The following FIGN variants were observed in gnomAD, a reference collection of about 807,000 sequenced individuals.
FIGN encodes fidgetin.
A neutral mutation model predicts 51.3 loss-of-function variants in FIGN; 11 were observed. The observed-to-expected ratio is 0.21, with a 90% CI of 0.13 to 0.35. The LOEUF (loss-of-function observed/expected upper bound fraction) is 0.35. Ranked by LOEUF, FIGN falls within the 10% of genes least tolerant of loss-of-function variation. The pLI, the probability that FIGN is intolerant of heterozygous loss-of-function variation, is 1.00. For missense variants in FIGN, 857 were observed against 943.6 expected (o/e 0.91, Z 1.20); for synonymous variants, 407 against 363.2 (o/e 1.12, Z -1.37).
intron 2 of FIGN, among the ~76,000 whole-genome samples, chr2:163,627,098 G>A (rs1683065882): frequency 1.3e-5 from 2 of 152,070 alleles, no homozygotes; most frequent in African/African-American, 4.8e-5. Flanking sequence ...CAATTGAACA[G>A]CTTATACTCC....
At chr2:163,712,440 T>G (rs1684601292) in intron 2 of FIGN, among the ~76,000 whole-genome samples, 1 of 152,248 alleles carries the variant, frequency 6.6e-6, no homozygotes, top group Non-Finnish European at 1.5e-5. Context: ...TTACTTAATT[T>G]GAAATGCACT....
intron 2 of FIGN, among the ~76,000 whole-genome samples, chr2:163,658,470 A>G (rs981954634): frequency 6.6e-6 from 1 of 151,974 alleles, no homozygotes; most frequent in African/African-American, 2.4e-5. Flanking sequence ...TCATTTATAA[A>G]GAAAAAGGTT....
intron 2 of FIGN, among the ~76,000 whole-genome samples, chr2:163,682,053 AAT>A (rs1020279604): frequency 1.3e-5 from 2 of 152,188 alleles, no homozygotes; most frequent in African/African-American, 4.8e-5. Context: ...CAAGACTGCG[AAT>A]ACTCAGAGAC....
chr2:163,670,242 C>T (rs537809729), intron 2 of FIGN, among the ~76,000 whole-genome samples: 1 of 152,246 alleles, frequency 6.6e-6, no homozygotes, highest in East Asian at 1.9e-4. Context: ...GTTAATACTA[C>T]AGCACACAAT....
intron 2 of FIGN, among the ~76,000 whole-genome samples, chr2:163,647,810 A>G (rs13023211): frequency 0.26 from 38,879 of 152,066 alleles, 5,311 homozygotes; most frequent in African/African-American, 0.3. Context: ...TTAGATGTAT[A>G]TGTATGTATG....
At chr2:163,626,158 G>T (rs1384477840) in intron 2 of FIGN, among the ~76,000 whole-genome samples, 1 of 152,058 alleles carries the variant, frequency 6.6e-6, no homozygotes, top group Non-Finnish European at 1.5e-5. Context: ...TGATTTTTTG[G>T]AATGCACTTC....
chr2:163,636,736 A>G (rs922525779), intron 2 of FIGN, among the ~76,000 whole-genome samples: 2 of 152,214 alleles, frequency 1.3e-5, no homozygotes, highest in Non-Finnish European at 2.9e-5. Context: ...TAAGACTTGA[A>G]TCCAGAGGAA....
intron 2 of FIGN, among the ~76,000 whole-genome samples, chr2:163,713,812 T>C (rs1341200885): frequency 6.6e-6 from 1 of 152,172 alleles, no homozygotes; most frequent in Admixed American, 6.5e-5. Context: ...CTTCCCTTCC[T>C]TAATTGTTTA....
In FIGN at chr2:163,639,622, G is replaced by A. The variant is rs527546881; in HGVS notation, c.26-27816C>T. Among the ~76,000 whole-genome samples the A allele has an allele frequency of 2.4e-4, 36 of 152,170 alleles. 1 individual carries two copies. The highest frequency in any genetic ancestry group is 3.4e-3 in the Middle Eastern group (1 of 294). On this transcript the variant is annotated intron_variant, in intron 2 of 2. Coordinates refer to ENST00000333129, the MANE Select transcript of FIGN (RefSeq NM_018086.4). ...TTGGATATACATTTCCAAAAGAGCC[G>A]TGAAAATTCCTTTACTCTCTTCAGT... is the stretch of plus-strand genomic sequence containing the variant.
intron 2 of FIGN, among the ~76,000 whole-genome samples, chr2:163,618,218 A>G (rs985524957): frequency 2.2e-4 from 33 of 152,204 alleles, no homozygotes; most frequent in African/African-American, 7.7e-4. Flanking sequence ...TAAGAAATAA[A>G]GTACTTAGAG....
At chr2:163,623,183 T>G (rs1410567191) in intron 2 of FIGN, among the ~76,000 whole-genome samples, 1 of 151,892 alleles carries the variant, frequency 6.6e-6, no homozygotes, top group East Asian at 1.9e-4. Flanking sequence ...TAAAAACTGT[T>G]TTTATCCTAA....
rs1482458674 is a variant in FIGN, at chr2:163,611,123, T to G, written c.709A>C (p.Asn237His). The G allele has an allele frequency of 6.2e-7, 1 of 1,614,026 alleles. No individual in the cohort carries two copies. Among genetic ancestry groups the G allele is most frequent in the Non-Finnish European group, 8.5e-7 (1 of 1,179,974 alleles). ...TAACTGGAGAGGTTAGAAGTCCCAT[T>G]GTAGCCTGGGACCAAGGCTGGTGGC... ...PPPPALVPGY[N>H]GTSNLSSYSY... The change falls in exon 3 of 3, where the codon AAT (asparagine) becomes CAT (histidine). Residue 237 changes from asparagine to histidine, a missense_variant. Asn to His is a moderately conservative substitution (Grantham distance 68). Coordinates refer to ENST00000333129, the MANE Select transcript of FIGN (RefSeq NM_018086.4).
intron 2 of FIGN, among the ~76,000 whole-genome samples, chr2:163,649,048 C>T (rs1683428877): frequency 6.6e-6 from 1 of 152,102 alleles, no homozygotes; most frequent in African/African-American, 2.4e-5. Context: ...TTCACCAACA[C>T]TGGAATATAC....
At position 163,609,925 on chromosome 2, in the gene FIGN, A is replaced by G. The variant is rs1691197219; in HGVS notation, c.1907T>C (p.Ile636Thr). 5 of 1,613,854 alleles carry G rather than the reference A, an allele frequency of 3.1e-6. No individual in the cohort carries two copies. The highest frequency in any genetic ancestry group is 2.7e-5 in the African/African-American group (2 of 74,888). The change falls in exon 3 of 3, where the codon ATA (isoleucine) becomes ACA (threonine). Residue 636 changes from isoleucine to threonine, a missense_variant. Physicochemically the swap from Ile to Thr is moderately conservative, Grantham distance 89. Transcript: ENST00000333129. ...VICATSKPEE[I>T]DESLRRYFMK... ...GAAGTACCTCCGAAGGGATTCATCTATTTCTTCTGGTTTACTGGTGGCACA... is the reference window on the plus strand; with the variant it reads ...GAAGTACCTCCGAAGGGATTCATCTGTTTCTTCTGGTTTACTGGTGGCACA...
chr2:163,717,728 A>G (rs1249771886), intron 2 of FIGN, among the ~76,000 whole-genome samples: 1 of 152,168 alleles, frequency 6.6e-6, no homozygotes, highest in Non-Finnish European at 1.5e-5. Context: ...TTAAAACAAT[A>G]AGAAATCCCT....
At chr2:163,722,899 T>C (rs948275354) in intron 2 of FIGN, among the ~76,000 whole-genome samples, 1 of 152,006 alleles carries the variant, frequency 6.6e-6, no homozygotes, top group Non-Finnish European at 1.5e-5. Context: ...TAATAAAATA[T>C]TAACTGGCCG....
At position 163,606,922 on chromosome 2, in the gene FIGN, A is replaced by G. The variant is rs1691123580; in HGVS notation, c.*2630T>C. 6.6e-6 allele frequency: 1 copy of G among 152,226 alleles called. No homozygotes were observed. Among genetic ancestry groups the G allele is most frequent in the African/African-American group, 2.4e-5 (1 of 41,460 alleles). The allele number at this position is 152,226 out of a possible 1,614,324, so 9.4% of individuals were successfully genotyped here. ...CACTCAGAGTTCTAATTTTTAAGTCACTTAAAGCTAAAAGCCAAGATGTAT... is the reference window on the plus strand; with the variant it reads ...CACTCAGAGTTCTAATTTTTAAGTCGCTTAAAGCTAAAAGCCAAGATGTAT... On this transcript the variant is annotated 3_prime_UTR_variant, in exon 3 of 3. Transcript: ENST00000333129.
chr2:163,708,267 G>A (rs1205104006), intron 2 of FIGN, among the ~76,000 whole-genome samples: 1 of 150,322 alleles, frequency 6.7e-6, no homozygotes. Flanking sequence ...ACCCTAACCA[G>A]TGCCTTAATT....
chr2:163,718,143 G>A (rs1684698827), intron 2 of FIGN, among the ~76,000 whole-genome samples: 1 of 152,116 alleles, frequency 6.6e-6, no homozygotes, highest in Non-Finnish European at 1.5e-5. Flanking sequence ...GCGACAGACA[G>A]CTGCTTCCAC....
Sources: allele counts gnomAD v4.1 joint callset (sites outside exome capture counted in the v4.1 genomes callset), GRCh38; gene constraint gnomAD v4.1.1; transcripts MANE v1.5; gene names NCBI Gene and HGNC (gene_info 2026-07-23, HGNC 2026-07-21).